Variants in CFP observed in about 807,000 individuals in gnomAD.
CFP encodes properdin.
In CFP, 14 loss-of-function variants were observed where a neutral mutation model predicts 42.1. The ratio of observed to expected loss-of-function variants is 0.33; its 90% confidence interval spans 0.22 to 0.52. CFP has a LOEUF of 0.52. Among genes scored for constraint, CFP ranks in the 20% least tolerant of loss-of-function variants. The probability of loss-of-function intolerance (pLI) is 0.96; values close to 1 mark genes in which losing one functional copy is unlikely to be tolerated. For missense variants in CFP, 318 were observed against 400.4 expected (o/e 0.79, Z 1.76); for synonymous variants, 149 against 160.6 (o/e 0.93, Z 0.54).
rs777563861 is a variant in CFP at position 47,624,287 on chromosome X, T to C, written c.1398A>G (p.Glu466=). Residue 466 remains glutamate (E), a synonymous_variant, in exon 9 of 9, where the codon GAA becomes GAG. Transcript: ENST00000396992. ...GAGGAGAGAAGTGTTAGAGTTCCTC[T>C]TCCTCAGGGTCTTTGCAAGCAGGCA... The part of the protein sequence containing the change: ...LHVPACKDPE[E]EEL 2 of 1,211,055 alleles carry C rather than the reference T, an allele frequency of 1.7e-6. No individual in the cohort carries two copies. Among genetic ancestry groups the C allele is most frequent in the Non-Finnish European group, 2.2e-6 (2 of 895,185 alleles).
intron 3 of CFP, 54 bp from the exon 4 acceptor site, chrX:47,627,695 C>T: frequency 1.9e-6 from 2 of 1,079,458 alleles, no homozygotes; most frequent in Non-Finnish European, 2.5e-6. Flanking sequence ...ATTCAGGGCT[C>T]TTTGCTTCCT....
intron 8 of CFP, chrX:47,625,756 G>T: frequency 2.8e-6 from 1 of 358,895 alleles, no homozygotes; most frequent in South Asian, 3.5e-5. Flanking sequence ...GGCAGTGAAT[G>T]GAGGCCTGAG....
At chrX:47,627,932 G>GC (rs2057976054) in intron 3 of CFP, among the ~76,000 whole-genome samples, 170 bp downstream of exon 3, 1 of 110,991 alleles carries the variant, frequency 9.0e-6, no homozygotes, top group Admixed American at 9.5e-5. Context: ...CCTCTCTGTG[G>GC]CCCCCAGGCA....
Position 47,624,151 on chromosome X carries a change from T to A in CFP, c.*124A>T. The A allele has an allele frequency of 1.3e-6, 1 of 746,633 alleles. No individual in the cohort carries two copies. Among genetic ancestry groups the A allele is most frequent in the East Asian group, 3.2e-5 (1 of 31,362 alleles). 61.5% of individuals were successfully genotyped at this position (746,633 alleles called of 1,213,427 possible). A position where few individuals can be genotyped will look rare whatever the true frequency, so the allele number is the denominator to read the frequency against. Reference sequence around the variant, plus strand: ...GTGCTGTTTGCCCTATGAGATGCTATCACCCTACTTTTGGGGAAGGGGATA... The same window carrying A: ...GTGCTGTTTGCCCTATGAGATGCTAACACCCTACTTTTGGGGAAGGGGATA... On this transcript the variant is annotated 3_prime_UTR_variant, in exon 9 of 9. Coordinates refer to ENST00000396992, the MANE Select transcript of CFP (RefSeq NM_001145252.3).
chrX:47,627,813 C>T (rs912114574), intron 3 of CFP, among the ~76,000 whole-genome samples, 172 bp from the exon 4 acceptor site: 3 of 112,004 alleles, frequency 2.7e-5, no homozygotes, highest in East Asian at 2.8e-4. Flanking sequence ...TGGGTGCCTC[C>T]GCTTCCCCTC....
At position 47,623,779 on chromosome X, in the gene CFP, G is replaced by T. The variant is rs947418572; in HGVS notation, c.*496C>A. 2.5e-4 allele frequency: 32 copies of T among 126,322 alleles called. No homozygotes were observed. Among genetic ancestry groups the T allele is most frequent in the African/African-American group, 1.0e-3 (32 of 31,336 alleles). The allele number at this position is 126,322 out of a possible 1,213,427, so 10.4% of individuals were successfully genotyped here. A position where few individuals can be genotyped will look rare whatever the true frequency, so the allele number is the denominator to read the frequency against. On this transcript the variant is annotated 3_prime_UTR_variant, in exon 9 of 9. Transcript: ENST00000396992. ...GGCCACGCCTCTGCCGTTCATCCTC[G>T]ACTGACGCGGAGTCGGAGTCGGCCG...
rs183833621 is a variant in CFP, at chrX:47,624,095, C to T, written c.*180G>A. ...GACCACAGTGGAAAATACTGTTTTC[C>T]GCAACAGGCTGCTGTGTCTTGGCCC... On this transcript the variant is annotated 3_prime_UTR_variant, in exon 9 of 9. Transcript: ENST00000396992. 36 of 488,810 alleles carry T rather than the reference C, an allele frequency of 7.4e-5. No homozygotes were observed. The African/African-American group carries it at 7.6e-4, about 10-fold the overall frequency. 40.3% of individuals were successfully genotyped at this position (488,810 alleles called of 1,213,427 possible).
upstream of CFP, chrX:47,630,072 G>A (rs8177083): frequency 0.02 from 8,784 of 429,080 alleles, 98 homozygotes; most frequent in Middle Eastern, 0.058. Flanking sequence ...CCAGCACCTC[G>A]CGCTCCTCCC....
chrX:47,629,401 G>A, intron 2 of CFP, 123 bp downstream of exon 2: 3 of 526,018 alleles, frequency 5.7e-6, no homozygotes, highest in Middle Eastern at 5.6e-4. Context: ...CCTGAGGTAT[G>A]GTCACGATCA....
At chrX:47,626,637 CA>C (rs1470993983) in intron 6 of CFP, 118 bp from the exon 7 acceptor site, 112 of 1,031,841 alleles carry the variant, frequency 1.1e-4, no homozygotes, top group Non-Finnish European at 1.4e-4. Context: ...AATGGGGGAC[CA>C]GGGGTGGAAA....
chrX:47,624,664 C>A, intron 8 of CFP: 1 of 329,401 alleles, frequency 3.0e-6, no homozygotes, highest in Non-Finnish European at 5.2e-6. Context: ...AAGTGATGCT[C>A]CTGCCTCAGC....
intron 8 of CFP, chrX:47,625,309 T>C (rs1426529497): frequency 8.9e-6 from 1 of 112,590 alleles, no homozygotes; most frequent in Non-Finnish European, 1.9e-5. Context: ...CCTTCCCAGA[T>C]GGCAGCCCTT....
rs8177075 is a variant in CFP, at chrX:47,628,093, C to T, written c.403+9G>A. On this transcript the variant is annotated intron_variant, in intron 3 of 8. Coordinates refer to ENST00000396992, the MANE Select transcript of CFP (RefSeq NM_001145252.3). The stretch of plus-strand genomic sequence containing the variant: ...GGGAGTGCTTGCCCGCCTTGCTCAT[C>T]CTCCTCACCAGGACAGCACTGCTGG... 3.7e-4 allele frequency: 451 copies of T among 1,209,346 alleles called. No individual in the cohort carries two copies. The African/African-American group carries it at 7.2e-3, about 19-fold the overall frequency.
intron 8 of CFP, chrX:47,625,099 T>C (rs2057963491): frequency 8.9e-6 from 1 of 111,991 alleles, no homozygotes; most frequent in African/African-American, 3.3e-5. Flanking sequence ...TCTCCTCCAC[T>C]TTATTCAAGC....
intron 2 of CFP, 185 bp downstream of exon 2, chrX:47,629,339 C>A (rs1253542596): frequency 2.3e-6 from 1 of 437,005 alleles, no homozygotes; most frequent in African/African-American, 2.4e-5. Flanking sequence ...AATCCCCTCC[C>A]CCAGCCAAGA....
rs765506323 is a variant in CFP at position 47,624,357 on chromosome X, T to C, written c.1328A>G (p.Gln443Arg). 26 of 1,207,179 alleles carry C rather than the reference T, an allele frequency of 2.2e-5. No individual in the cohort carries two copies. The highest frequency in any genetic ancestry group is 4.6e-4 in the Middle Eastern group (2 of 4,374). The change falls in exon 9 of 9, where the codon CAA becomes CGA. Residue 443 changes from glutamine to arginine, a missense_variant. Gln to Arg is a conservative substitution (Grantham distance 43, BLOSUM62 1). Transcript: ENST00000396992. ...CTCCTCCACCACCAGCTTCTGCCCT[T>C]GTAGCTCCTCACACCGTGGCAGCGG... ...GRPLPRCEELQGQKLVVEEKR... is the reference protein window; with the variant it reads ...GRPLPRCEELRGQKLVVEEKR...
chrX:47,626,588 T>A (rs1435716031), intron 6 of CFP, 69 bp from the exon 7 acceptor site: 2 of 1,132,813 alleles, frequency 1.8e-6, no homozygotes, highest in East Asian at 6.1e-5. Context: ...GAGGAAGGAA[T>A]GAGGGCGGTA....
At chrX:47,628,426 A>G (rs1434291777) in intron 2 of CFP, 149 bp from the exon 3 acceptor site, 1 of 563,027 alleles carries the variant, frequency 1.8e-6, no homozygotes, top group African/African-American at 2.3e-5. Context: ...ATATTGGGAT[A>G]CTGATGGGAA....
chrX:47,628,113 T>C lies in CFP; in HGVS notation c.392A>G (p.Gln131Arg). 2.5e-6 allele frequency: 3 copies of C among 1,211,504 alleles called. No individual in the cohort carries two copies. Among genetic ancestry groups the C allele is most frequent in the Non-Finnish European group, 3.4e-6 (3 of 895,344 alleles). Residue 131 changes from glutamine (Q) to arginine (R), a missense_variant, in exon 3 of 9, where the codon CAG becomes CGG. Physicochemically the swap from Gln to Arg is conservative, Grantham distance 43. Coordinates refer to ENST00000396992, the MANE Select transcript of CFP (RefSeq NM_001145252.3). ...CTCATCCTCCTCACCAGGACAGCAC[T>C]GCTGGTCCTCACAGGCCTGGAGCTG... ...EWQLQACEDQ[Q>R]CCPEMGGWSG...
Sources: allele counts gnomAD v4.1 joint callset (sites outside exome capture counted in the v4.1 genomes callset), GRCh38; gene constraint gnomAD v4.1.1; transcripts MANE v1.5; gene names NCBI Gene and HGNC (gene_info 2026-07-23, HGNC 2026-07-21).